The following DENND2C variants were observed in gnomAD, a reference collection of about 807,000 sequenced individuals.
DENND2C encodes DENN domain-containing protein 2C.
In DENND2C, 72 loss-of-function variants were observed where a neutral mutation model predicts 112.4. The observed-to-expected ratio is 0.64, with a 90% confidence interval of 0.53 to 0.78. The LOEUF is 0.78. Ranked by LOEUF, DENND2C falls within the 30% of genes least tolerant of loss-of-function variation. DENND2C has a pLI of 0.00. For synonymous variants in DENND2C, 329 were observed against 381.6 expected (o/e 0.86, Z 1.61); for missense variants, 992 against 1,113.8 (o/e 0.89, Z 1.56).
intron 2 of DENND2C, among the ~76,000 whole-genome samples, chr1:114,649,641 T>C (rs1657101112): frequency 6.6e-6 from 1 of 152,152 alleles, no homozygotes; most frequent in Non-Finnish European, 1.5e-5. Context: ...TCCAAAGTGT[T>C]GGTATTATAA....
intron 3 of DENND2C, among the ~76,000 whole-genome samples, chr1:114,639,712 A>ATT (rs112934605): frequency 4.2e-5 from 6 of 142,330 alleles, no homozygotes; most frequent in African/African-American, 5.1e-5. Flanking sequence ...CATTATATTA[A>ATT]TTTTTTTTTT....
chr1:114,595,950 C>T, intron 16 of DENND2C, 77 bp from the exon 17 acceptor site: 1 of 1,334,102 alleles, frequency 7.5e-7, no homozygotes, highest in Non-Finnish European at 1.1e-6. Flanking sequence ...TAGTTTTAAA[C>T]AAAATTTACT....
chr1:114,613,248 T>C (rs1477674871), intron 8 of DENND2C, among the ~76,000 whole-genome samples: 2 of 152,194 alleles, frequency 1.3e-5, no homozygotes, highest in African/African-American at 4.8e-5. Flanking sequence ...TTAATTAAGC[T>C]TTTTTAAAAA....
rs1173279498 is a variant in DENND2C, at chr1:114,625,585, G to T, written c.400C>A (p.Pro134Thr). 3.7e-6 allele frequency: 6 copies of T among 1,613,910 alleles called. No homozygotes were observed. Among genetic ancestry groups the T allele is most frequent in the Non-Finnish European group, 4.2e-6 (5 of 1,179,994 alleles). Reference sequence around the variant, plus strand: ...TTTCCTGGAGGTAATGAAGTCTCTGGATCTAAGACATCTTCTTTACAGCTT... The same window carrying T: ...TTTCCTGGAGGTAATGAAGTCTCTGTATCTAAGACATCTTCTTTACAGCTT... ...IESCKEDVLD[P>T]ETSLPPGNFY... Residue 134 changes from proline to threonine, a missense_variant, in exon 4 of 21, where the codon CCA (proline) becomes ACA (threonine). This residue lies in a region of DENND2C where 470 missense variants were observed against 472.7 expected (regional missense o/e 0.99). Coordinates refer to ENST00000393274, the MANE Select transcript of DENND2C (RefSeq NM_001256404.2).
chr1:114,655,946 T>C (rs1657305581), intron 1 of DENND2C, among the ~76,000 whole-genome samples: 1 of 150,100 alleles, frequency 6.7e-6, no homozygotes, highest in Non-Finnish European at 1.5e-5. Flanking sequence ...CGGTTTTTCT[T>C]CGTTTCTGTA....
At chr1:114,646,432 G>A (rs367975888) in intron 2 of DENND2C, among the ~76,000 whole-genome samples, 7 of 152,102 alleles carry the variant, frequency 4.6e-5, no homozygotes, top group East Asian at 1.9e-4. Context: ...ACTAGTGTGC[G>A]ATATATTTTC....
At chr1:114,660,061 A>T (rs1485166526) in intron 1 of DENND2C, among the ~76,000 whole-genome samples, 1 of 152,128 alleles carries the variant, frequency 6.6e-6, no homozygotes, top group African/African-American at 2.4e-5. Flanking sequence ...AAGTGCTGGG[A>T]TTAAAGGCAT....
chr1:114,589,724 TTA>T (rs1388017966), intron 18 of DENND2C, among the ~76,000 whole-genome samples: 2 of 152,124 alleles, frequency 1.3e-5, no homozygotes, highest in African/African-American at 2.4e-5. Flanking sequence ...CTTTTAAAAA[TTA>T]TGTTTTTCTA....
chr1:114,592,545 C>T (rs1049867955), intron 18 of DENND2C, among the ~76,000 whole-genome samples: 10 of 151,796 alleles, frequency 6.6e-5, no homozygotes, highest in Non-Finnish European at 1.2e-4. Context: ...TCGTGAAAGC[C>T]CGTCTCTACA....
intron 1 of DENND2C, among the ~76,000 whole-genome samples, chr1:114,663,041 GA>G (rs2101700282): frequency 6.6e-6 from 1 of 152,216 alleles, no homozygotes; most frequent in African/African-American, 2.4e-5. Context: ...AGATAGATGT[GA>G]AAAAGTCAGT....
intron 1 of DENND2C, among the ~76,000 whole-genome samples, chr1:114,661,768 C>T (rs550508751): frequency 1.3e-5 from 2 of 152,052 alleles, no homozygotes; most frequent in Non-Finnish European, 2.9e-5. Flanking sequence ...TTTTTTACTT[C>T]GTTTTTTTCT....
intron 9 of DENND2C, among the ~76,000 whole-genome samples, chr1:114,610,076 G>A (rs1246234019): frequency 3.3e-5 from 5 of 152,206 alleles, no homozygotes; most frequent in African/African-American, 1.2e-4. Context: ...AAATTAGGGT[G>A]TCAGATTAGG....
intron 1 of DENND2C, among the ~76,000 whole-genome samples, chr1:114,659,236 C>T (rs1451847460): frequency 5.3e-5 from 8 of 152,202 alleles, no homozygotes; most frequent in Admixed American, 5.2e-4. Context: ...CGCGGTGACT[C>T]ACGCCTATAA....
intron 16 of DENND2C, among the ~76,000 whole-genome samples, chr1:114,598,738 G>A (rs1465474248): frequency 6.6e-6 from 1 of 152,198 alleles, no homozygotes; most frequent in Non-Finnish European, 1.5e-5. Flanking sequence ...TTGGAGTGCA[G>A]TGGCATGATC....
chr1:114,649,237 G>A (rs957438217), intron 2 of DENND2C, among the ~76,000 whole-genome samples: 1 of 152,074 alleles, frequency 6.6e-6, no homozygotes, highest in African/African-American at 2.4e-5. Flanking sequence ...TTACAGGTGT[G>A]AGCCATTGCA....
chr1:114,667,906 G>A (rs964038706), intron 1 of DENND2C, among the ~76,000 whole-genome samples: 3 of 152,252 alleles, frequency 2.0e-5, no homozygotes, highest in East Asian at 1.9e-4. Context: ...CTGTTGTGAG[G>A]ATTAAGTAAG....
chr1:114,596,964 T>C (rs970277747), intron 16 of DENND2C, among the ~76,000 whole-genome samples: 3 of 151,938 alleles, frequency 2.0e-5, no homozygotes, highest in Admixed American at 1.3e-4. Flanking sequence ...AGAGATGATA[T>C]AGGAGGATAT....
intron 13 of DENND2C, 30 bp downstream of exon 13, chr1:114,601,478 C>T (rs2101648623): frequency 6.3e-7 from 1 of 1,593,998 alleles, no homozygotes; most frequent in Non-Finnish European, 8.5e-7. Context: ...AAAAGGACAC[C>T]ATTTTTCATA....
chr1:114,626,719 C>T (rs1656354508), intron 3 of DENND2C, among the ~76,000 whole-genome samples: 1 of 151,796 alleles, frequency 6.6e-6, no homozygotes, highest in African/African-American at 2.4e-5. Context: ...TCCATGTTGC[C>T]CAGGCTGGTC....
Sources: gnomAD v4.1 joint callset for allele counts (sites outside exome capture counted in the v4.1 genomes callset) on GRCh38, gnomAD v4.1.1 for gene constraint, gnomAD v4.1.1 regional missense constraint, MANE v1.5 for transcripts, NCBI Gene and HGNC (gene_info 2026-07-23, HGNC 2026-07-21) for gene names.